Variants in ZNF134 observed in about 807,000 individuals in gnomAD.
ZNF134 encodes the protein zinc finger protein 134 (clone pHZ-15).
In ZNF134, 5 loss-of-function variants were observed where a neutral mutation model predicts 2.5. That is an observed-to-expected ratio of 2.03 (90% CI 1.06 to 4.27). ZNF134 has a LOEUF of 4.27. ZNF134 is among the 30% of genes most tolerant of loss of function. The pLI, the probability that ZNF134 is intolerant of heterozygous loss-of-function variation, is 0.00. For synonymous variants in ZNF134, 176 were observed against 176.2 expected, an observed-to-expected ratio of 1.00 and a Z score of 0.01; for missense variants, 540 against 517.5, an observed-to-expected ratio of 1.04 and a Z score of -0.42.
rs1475639491 is a variant in ZNF134 at position 57,623,322 on chromosome 19, A to AC, written c.*1924dup. On this transcript the variant is annotated 3_prime_UTR_variant, in exon 3 of 3. Coordinates refer to ENST00000396161, the MANE Select transcript of ZNF134 (RefSeq NM_003435.5). Reference sequence around the variant, plus strand: ...TTATCTTAATTGATGTCTGTACTCCACCCCCATTTTTAAATATTAAAAAGC... The same window carrying AC: ...TTATCTTAATTGATGTCTGTACTCCACCCCCCATTTTTAAATATTAAAAAGC... The AC allele has an allele frequency of 1.3e-5, 2 of 151,968 alleles. No individual in the cohort carries two copies. Among genetic ancestry groups the AC allele is most frequent in the African/African-American group, 2.4e-5 (1 of 41,360 alleles). The allele number at this position is 151,968 out of a possible 1,614,324, so 9.4% of individuals were successfully genotyped here. A position where few individuals can be genotyped will look rare whatever the true frequency, so the allele number is the denominator to read the frequency against.
intron 2 of ZNF134, 85 bp from the exon 3 acceptor site, chr19:57,620,075 T>A: frequency 6.7e-7 from 1 of 1,503,090 alleles, no homozygotes; most frequent in Non-Finnish European, 9.0e-7. Flanking sequence ...TACTCAGTCC[T>A]GGGTACAGCA....
chr19:57,619,850 C>CA (rs1400729187), intron 2 of ZNF134, among the ~76,000 whole-genome samples: 1 of 152,210 alleles, frequency 6.6e-6, no homozygotes, highest in Non-Finnish European at 1.5e-5. Flanking sequence ...GGCCTGTACT[C>CA]ACATTTCGCA....
chr19:57,622,381 A>G lies in ZNF134; in HGVS notation c.*978A>G. ...ATCTAAAGCATCCAGTAGGGAAACA[A>G]AATTGATAAATATTGAGTGTGAGTA... On this transcript the variant is annotated 3_prime_UTR_variant, in exon 3 of 3. Transcript: ENST00000396161. The G allele has an allele frequency of 6.6e-6, 1 of 152,238 alleles. No individual in the cohort carries two copies. The highest frequency in any genetic ancestry group is 2.1e-4 in the South Asian group (1 of 4,834). 9.4% of individuals were successfully genotyped at this position (152,238 alleles called of 1,614,324 possible).
chr19:57,617,793 C>T lies in ZNF134; in HGVS notation c.-57-1619C>T, dbSNP rs542881015. The stretch of plus-strand genomic sequence containing the variant: ...ACAGCAGGGTAGAGGTAGGGGCCAT[C>T]TTAGAGTCTAGAAGAGGGAGGGAAA... On this transcript the variant is annotated intron_variant, in intron 1 of 2. Coordinates refer to ENST00000396161, the MANE Select transcript of ZNF134 (RefSeq NM_003435.5). 9.4e-4 allele frequency among the ~76,000 whole-genome samples: 143 copies of T among 152,232 alleles called. 1 individual carries two copies. Among genetic ancestry groups the T allele is most frequent in the Non-Finnish European group, 1.5e-3 (103 of 68,020 alleles).
rs1981133443 is a variant in ZNF134, at chr19:57,619,340, T to G, written c.-57-72T>G. 7.4e-6 allele frequency: 9 copies of G among 1,212,820 alleles called. No individual in the cohort carries two copies. The South Asian group carries it at 1.2e-4, about 16-fold the overall frequency. 75.1% of individuals were successfully genotyped at this position (1,212,820 alleles called of 1,614,324 possible). On this transcript the variant is annotated intron_variant, in intron 1 of 2. Coordinates refer to ENST00000396161, the MANE Select transcript of ZNF134 (RefSeq NM_003435.5). ...TTGTAGCATTTGTTTTCTTGCAATT[T>G]TGCATGGGTGGGCTACTCTGGCTAG...
chr19:57,620,732 G>C lies in ZNF134; in HGVS notation c.613G>C (p.Glu205Gln). The C allele has an allele frequency of 6.2e-7, 1 of 1,611,202 alleles. No individual in the cohort carries two copies. The highest frequency in any genetic ancestry group is 8.5e-7 in the Non-Finnish European group (1 of 1,177,488). Residue 205 changes from glutamate to glutamine, a missense_variant, in exon 3 of 3, where the codon GAG becomes CAG. Coordinates refer to ENST00000396161, the MANE Select transcript of ZNF134 (RefSeq NM_003435.5). ...AATTCATAGTGGAGAGAAGCCTTAT[G>C]AGTGCAGCGAATGTGGGAAAGCCTT... is the stretch of plus-strand genomic sequence containing the variant. The part of the protein sequence containing the change: ...QRIHSGEKPY[E>Q]CSECGKAFSR...
chr19:57,620,597 C>T lies in ZNF134; in HGVS notation c.478C>T (p.His160Tyr), dbSNP rs753556178. The T allele has an allele frequency of 4.5e-5, 73 of 1,614,088 alleles. No individual in the cohort carries two copies. Among genetic ancestry groups the T allele is most frequent in the Non-Finnish European group, 5.9e-5 (70 of 1,180,050 alleles). The stretch of plus-strand genomic sequence containing the variant: ...GGCCATCCACAGTAAGAGGAAGACA[C>T]ACAGGAGCACTGAGAGTGGGGATGC... ...QKAIHSKRKTHRSTESGDAFH... is the reference protein window; with the variant it reads ...QKAIHSKRKTYRSTESGDAFH... Residue 160 changes from histidine (H) to tyrosine (Y), a missense_variant, in exon 3 of 3, where the codon CAC becomes TAC. Transcript: ENST00000396161.
chr19:57,614,483 G>A lies in ZNF134; in HGVS notation c.-78G>A, dbSNP rs769413584. On this transcript the variant is annotated 5_prime_UTR_variant, in exon 1 of 3. Coordinates refer to ENST00000396161, the MANE Select transcript of ZNF134 (RefSeq NM_003435.5). The stretch of plus-strand genomic sequence containing the variant: ...TCTACGAACTGTGATGGCGGCGGCC[G>A]CGGTGATGGGCCCGGCGCAGGTGGG... The A allele has an allele frequency of 5.3e-5, 21 of 397,056 alleles. No homozygotes were observed. Among genetic ancestry groups the A allele is most frequent in the African/African-American group, 4.4e-4 (21 of 47,284 alleles). The allele number at this position is 397,056 out of a possible 1,614,324, so 24.6% of individuals were successfully genotyped here. A position where few individuals can be genotyped will look rare whatever the true frequency, so the allele number is the denominator to read the frequency against.
chr19:57,620,031 C>A, intron 2 of ZNF134, 129 bp from the exon 3 acceptor site: 2 of 1,087,228 alleles, frequency 1.8e-6, no homozygotes, highest in Non-Finnish European at 2.6e-6. Context: ...TTTTTTCAAC[C>A]TGATCCTAGC....
chr19:57,619,742 C>T lies in ZNF134; in HGVS notation c.40+234C>T, dbSNP rs1981144293. On this transcript the variant is annotated intron_variant, in intron 2 of 2. Coordinates refer to ENST00000396161, the MANE Select transcript of ZNF134 (RefSeq NM_003435.5). ...GCAATAGCTCTCTCTGCGATGCTTT[C>T]CAATATTGTACTACACTTACACTAT... The T allele has an allele frequency of 6.9e-6, 4 of 578,060 alleles. No homozygotes were observed. The South Asian group carries it at 9.3e-5, about 13-fold the overall frequency. The allele number at this position is 578,060 out of a possible 1,614,324, so 35.8% of individuals were successfully genotyped here. A position where few individuals can be genotyped will look rare whatever the true frequency, so the allele number is the denominator to read the frequency against.
chr19:57,617,669 G>A (rs893244089), intron 1 of ZNF134, among the ~76,000 whole-genome samples: 3 of 152,164 alleles, frequency 2.0e-5, no homozygotes, highest in Non-Finnish European at 2.9e-5. Flanking sequence ...CCACAGGGTG[G>A]CAGCCAGCAT....
rs1225305313 is a variant in ZNF134, at chr19:57,620,931, A to G, written c.812A>G (p.His271Arg). 3 of 1,614,136 alleles carry G rather than the reference A, an allele frequency of 1.9e-6. No homozygotes were observed. In the Admixed American group the frequency reaches 5.0e-5, roughly 27 times the overall value. The change falls in exon 3 of 3, where the codon CAT becomes CGT. Residue 271 changes from histidine (H) to arginine (R), a missense_variant. Transcript: ENST00000396161. ...AATGAATGTGGGAAATATTTTAGCC[A>G]TCACTCCAATCTAATTGTACACCAG... The part of the protein sequence containing the change: ...KCNECGKYFS[H>R]HSNLIVHQRV...
rs1981005686 is a variant in ZNF134, at chr19:57,614,774, A to G, written c.-58+271A>G. ...CTTCATTGCGAGGACGATAGGAGCC[A>G]TGGCGGGTTTTGAATGGTGGAGGGA... On this transcript the variant is annotated intron_variant, in intron 1 of 2. Coordinates refer to ENST00000396161, the MANE Select transcript of ZNF134 (RefSeq NM_003435.5). 3.3e-5 allele frequency among the ~76,000 whole-genome samples: 5 copies of G among 152,288 alleles called. No homozygotes were observed. The South Asian group carries it at 1.0e-3, about 32-fold the overall frequency.
In ZNF134 at chr19:57,620,974, A is replaced by G. The variant is rs374206873; in HGVS notation, c.855A>G (p.Ala285=). The G allele has an allele frequency of 3.1e-6, 5 of 1,614,222 alleles. No homozygotes were observed. The highest frequency in any genetic ancestry group is 3.4e-6 in the Non-Finnish European group (4 of 1,180,034). ...TACACCAGAGAGTTCACAATGGAGC[A>G]AGGCCTTATAAGTGCAGTGATTGTG... ...LIVHQRVHNG[A]RPYKCSDCGK... The change falls in exon 3 of 3, where the codon GCA becomes GCG. Residue 285 remains alanine (A), a synonymous_variant. Coordinates refer to ENST00000396161, the MANE Select transcript of ZNF134 (RefSeq NM_003435.5).
Position 57,623,556 on chromosome 19 carries a change from AAC to A in ZNF134, c.*2155_*2156del, listed in dbSNP as rs1388251095. On this transcript the variant is annotated 3_prime_UTR_variant, in exon 3 of 3. Transcript: ENST00000396161. ...CAGCCCATCTTAATTGGAAAAAAAA[AAC>A]AAACCATTGAAATTAAGAGATTCAT... is the stretch of plus-strand genomic sequence containing the variant. The A allele has an allele frequency of 1.3e-5, 2 of 152,308 alleles. No homozygotes were observed. The highest frequency in any genetic ancestry group is 4.8e-5 in the African/African-American group (2 of 41,560). The allele number at this position is 152,308 out of a possible 1,614,324, so 9.4% of individuals were successfully genotyped here.
chr19:57,621,251 G>A lies in ZNF134; in HGVS notation c.1132G>A (p.Gly378Arg), dbSNP rs1348837797. The change falls in exon 3 of 3, where the codon GGG (glycine) becomes AGG (arginine). Residue 378 changes from glycine (G) to arginine (R), a missense_variant. By Grantham distance (125) the Gly-to-Arg change is moderately radical (BLOSUM62 -2). Transcript: ENST00000396161. ...AAGGCCTTTTGTGTGCAGTAAATGT[G>A]GGAAAGACTTTATCAGAACCTCCCA... ...GERPFVCSKC[G>R]KDFIRTSHLV... 3 of 1,614,130 alleles carry A rather than the reference G, an allele frequency of 1.9e-6. No homozygotes were observed. The highest frequency in any genetic ancestry group is 2.5e-6 in the Non-Finnish European group (3 of 1,180,032).
At chr19:57,617,624 C>G (rs1981089013) in intron 1 of ZNF134, among the ~76,000 whole-genome samples, 1 of 152,156 alleles carries the variant, frequency 6.6e-6, no homozygotes, top group South Asian at 2.1e-4. Context: ...ACACAGAGAT[C>G]TGAAGTTCAG....
intron 1 of ZNF134, among the ~76,000 whole-genome samples, chr19:57,615,034 C>A (rs1981012449): frequency 6.6e-6 from 1 of 151,950 alleles, no homozygotes; most frequent in South Asian, 2.1e-4. Context: ...GGTTTCCTGC[C>A]GCATCAGATG....
In ZNF134 at chr19:57,620,952, A is replaced by G; in HGVS notation, c.833A>G (p.His278Arg). ...YFSHHSNLIV[H>R]QRVHNGARPY... is the part of the protein sequence containing the mutation. ...AGCCATCACTCCAATCTAATTGTAC[A>G]CCAGAGAGTTCACAATGGAGCAAGG... Residue 278 changes from histidine to arginine, a missense_variant, in exon 3 of 3, where the codon CAC becomes CGC. Physicochemically the swap from His to Arg is conservative, Grantham distance 29. Transcript: ENST00000396161. 6.2e-7 allele frequency: 1 copy of G among 1,614,248 alleles called. No individual in the cohort carries two copies. The highest frequency in any genetic ancestry group is 2.2e-5 in the East Asian group (1 of 44,886).
Sources: allele counts gnomAD v4.1 joint callset (sites outside exome capture counted in the v4.1 genomes callset), GRCh38; gene constraint gnomAD v4.1.1; transcripts MANE v1.5; gene names NCBI Gene and HGNC (gene_info 2026-07-23, HGNC 2026-07-21).